The following PREX1 variants were observed in gnomAD, a reference collection of about 807,000 sequenced individuals.
The protein encoded by PREX1 is phosphatidylinositol 3,4,5-trisphosphate-dependent Rac exchanger 1 protein.
PREX1 carries 41 observed loss-of-function variants against 198.3 expected under a neutral mutation model. That is an observed-to-expected ratio of 0.21 (90% CI 0.16 to 0.27). The LOEUF is 0.27. PREX1 is among the 10% of genes least tolerant of loss of function. The probability of loss-of-function intolerance (pLI) is 1.00; values close to 1 mark genes in which losing one functional copy is unlikely to be tolerated. For synonymous variants in PREX1, 843 were observed against 887.2 expected (o/e 0.95, Z 0.89); for missense variants, 1,620 against 2,200.7 (o/e 0.74, Z 5.28).
chr20:48,811,748 T>G (rs2090437732), intron 1 of PREX1, among the ~76,000 whole-genome samples: 1 of 127,762 alleles, frequency 7.8e-6, no homozygotes, highest in African/African-American at 3.1e-5. Flanking sequence ...CTCACACTAC[T>G]GATCACTGAA....
chr20:48,887,103 T>C, the PREX1 span, among the ~76,000 whole-genome samples: 1 of 152,188 alleles, frequency 6.6e-6, no homozygotes, highest in African/African-American at 2.4e-5. Flanking sequence ...TGCCCAAAGT[T>C]GCATGATAAA....
At chr20:48,734,455 A>G in intron 4 of PREX1, 91 bp downstream of exon 4, 1 of 1,106,838 alleles carries the variant, frequency 9.0e-7, no homozygotes, top group Admixed American at 1.8e-5. Context: ...AGGATTTGGC[A>G]CCATGGGGCA....
At chr20:48,862,582 C>G in the PREX1 span, among the ~76,000 whole-genome samples, 1 of 151,852 alleles carries the variant, frequency 6.6e-6, no homozygotes, top group Non-Finnish European at 1.5e-5. Flanking sequence ...CACTTCCCCT[C>G]TCCAGGCTTC....
Position 48,827,458 on chromosome 20 carries a change from G to A in PREX1, c.219+184C>T, listed in dbSNP as rs1011667732. On this transcript the variant is annotated intron_variant, in intron 1 of 39. Transcript: ENST00000371941. This position sits in a 1 kb window ranked among gnomAD's most constrained non-coding sequence, Gnocchi z 4.1. ...CCGGTCGGAGCAGGACCGTGCGCCG[G>A]CCAGGGAGGGAGGCGACGCGACAGC... Among the ~76,000 whole-genome samples, 3 of 152,186 alleles carry A rather than the reference G, an allele frequency of 2.0e-5. No individual in the cohort carries two copies. Among genetic ancestry groups the A allele is most frequent in the African/African-American group, 7.2e-5 (3 of 41,464 alleles).
intron 5 of PREX1, among the ~76,000 whole-genome samples, chr20:48,718,847 G>C (rs1333807599): frequency 6.6e-6 from 1 of 152,012 alleles, no homozygotes; most frequent in Non-Finnish European, 1.5e-5. Context: ...CAATAACTAG[G>C]GCACTATTTC....
At chr20:48,724,757 G>A (rs2090002228) in intron 5 of PREX1, among the ~76,000 whole-genome samples, 1 of 152,210 alleles carries the variant, frequency 6.6e-6, no homozygotes, top group Admixed American at 6.5e-5. Context: ...TCTTAATGCT[G>A]GTAGCTAATC....
chr20:48,801,950 C>T (rs2090389193), intron 1 of PREX1, among the ~76,000 whole-genome samples: 1 of 152,200 alleles, frequency 6.6e-6, no homozygotes, highest in Non-Finnish European at 1.5e-5. Context: ...TCTGCTTTCT[C>T]TCTGACCTTC....
In PREX1 at chr20:48,680,354, T is replaced by C. The variant is rs141363765; in HGVS notation, c.1436-600A>G. ...CTGCTGTCACCCTTGGTCCCAACAG[T>C]CTCCACAGGGCAGCCAGAGGGATTC... On this transcript the variant is annotated intron_variant, in intron 11 of 39. Transcript: ENST00000371941. 1.3e-4 allele frequency among the ~76,000 whole-genome samples: 20 copies of C among 152,138 alleles called. No homozygotes were observed. The East Asian group carries it at 3.5e-3, about 26-fold the overall frequency.
upstream of PREX1, among the ~76,000 whole-genome samples, chr20:48,828,506 G>A (rs1421935507): frequency 6.6e-6 from 1 of 152,170 alleles, no homozygotes; most frequent in Non-Finnish European, 1.5e-5. Flanking sequence ...CCGCGGCCCC[G>A]GGAAGTCAGG....
At position 48,676,183 on chromosome 20, in the gene PREX1, A is replaced by C. The variant is rs764489189; in HGVS notation, c.1665+10T>G. The C allele has an allele frequency of 1.2e-6, 2 of 1,612,160 alleles. No individual in the cohort carries two copies. Among genetic ancestry groups the C allele is most frequent in the African/African-American group, 1.3e-5 (1 of 75,012 alleles). On this transcript the variant is annotated intron_variant, in intron 14 of 39. Transcript: ENST00000371941. The stretch of plus-strand genomic sequence containing the variant: ...GAACACTGGTCACACACCCCTGAGG[A>C]GGCCCTCACCTGAGCCAGCAGCCAG...
chr20:48,703,530 C>A (rs538642769), intron 6 of PREX1, among the ~76,000 whole-genome samples: 1 of 152,356 alleles, frequency 6.6e-6, no homozygotes, highest in African/African-American at 2.4e-5. Flanking sequence ...ACACGGCAGA[C>A]AACCGGTTCA....
At chr20:48,767,624 C>A (rs2090214984) in intron 1 of PREX1, among the ~76,000 whole-genome samples, 1 of 152,186 alleles carries the variant, frequency 6.6e-6, no homozygotes, top group Non-Finnish European at 1.5e-5. Context: ...TCTGTCAGTG[C>A]ATCGACGTAA....
intron 33 of PREX1, among the ~76,000 whole-genome samples, chr20:48,634,149 TG>T (rs2089340957): frequency 7.8e-6 from 1 of 127,568 alleles, no homozygotes; most frequent in Non-Finnish European, 1.7e-5. Context: ...GGTGGGTGGA[TG>T]GATGGATGGA....
rs1162281353 is a variant in PREX1 at position 48,632,629 on chromosome 20, G to A, written c.4278C>T (p.Val1426=). The A allele has an allele frequency of 6.2e-7, 1 of 1,613,858 alleles. No homozygotes were observed. Among genetic ancestry groups the A allele is most frequent in the East Asian group, 2.2e-5 (1 of 44,858 alleles). ...GCCGGCTGCCCTCAATGTGGTAGAA[G>A]ACGTTGGTGTCTGCGGAAGGATATG... The part of the protein sequence containing the change: ...LDENYVANTN[V]FYHIEGSRQA... The change falls in exon 34 of 40, where the codon GTC becomes GTT. Residue 1426 remains valine (V), a synonymous_variant. Coordinates refer to ENST00000371941, the MANE Select transcript of PREX1 (RefSeq NM_020820.4).
rs765945027 is a variant in PREX1 at position 48,632,551 on chromosome 20, G to A, written c.4356C>T (p.Pro1452=). ...GGCTGGCCCCACCCTCCAGGCGGGAGGGCAGCTTGGAGAAGTGGTAGCTGT... is the reference window on the plus strand; with the variant it reads ...GGCTGGCCCCACCCTCCAGGCGGGAAGGCAGCTTGGAGAAGTGGTAGCTGT... ...YLDSYHFSKL[P]SRLEGGASLR... is the part of the protein sequence containing the mutation. Residue 1452 remains proline (P), a synonymous_variant, in exon 34 of 40, where the codon CCC becomes CCT. Coordinates refer to ENST00000371941, the MANE Select transcript of PREX1 (RefSeq NM_020820.4). The A allele has an allele frequency of 1.2e-6, 2 of 1,614,010 alleles. No homozygotes were observed. The highest frequency in any genetic ancestry group is 3.3e-5 in the Admixed American group (2 of 60,006).
intron 7 of PREX1, among the ~76,000 whole-genome samples, chr20:48,698,566 G>A (rs1253998093): frequency 6.6e-6 from 1 of 152,164 alleles, no homozygotes; most frequent in Non-Finnish European, 1.5e-5. Flanking sequence ...ACAGCAGGAC[G>A]TGAGATAGAC....
intron 5 of PREX1, among the ~76,000 whole-genome samples, chr20:48,713,018 G>A (rs1171636967): frequency 6.6e-6 from 1 of 152,212 alleles, no homozygotes; most frequent in Non-Finnish European, 1.5e-5. Flanking sequence ...CAGCTACTTG[G>A]GAGGCTGAGG....
chr20:48,677,325 T>G (rs1194154653), intron 13 of PREX1, among the ~76,000 whole-genome samples: 1 of 152,098 alleles, frequency 6.6e-6, no homozygotes, highest in East Asian at 1.9e-4. Context: ...CAGCAAATGC[T>G]AGGAAATGGT....
chr20:48,865,064 C>A, the PREX1 span, among the ~76,000 whole-genome samples: 1 of 152,046 alleles, frequency 6.6e-6, no homozygotes. Flanking sequence ...ACCCTGCTTC[C>A]TGTGGGATCA....
Sources: allele counts gnomAD v4.1 joint callset (sites outside exome capture counted in the v4.1 genomes callset), GRCh38; gene constraint gnomAD v4.1.1; non-coding constraint Gnocchi (gnomAD v3.1); transcripts MANE v1.5; gene names NCBI Gene and HGNC (gene_info 2026-07-23, HGNC 2026-07-21).